UBL3: variants seen among roughly 807,000 people sequenced by gnomAD.
UBL3 encodes ubiquitin like 3.
Under a neutral mutation model 18.4 loss-of-function variants are expected in UBL3, and 6 were observed. The ratio of observed to expected loss-of-function variants is 0.33; its 90% CI spans 0.18 to 0.64. UBL3 has a LOEUF of 0.64. Among genes scored for constraint, UBL3 ranks in the 30% least tolerant of loss-of-function variants. The pLI, the probability that UBL3 is intolerant of heterozygous loss-of-function variation, is 0.76. For synonymous variants in UBL3, 49 were observed against 46.6 expected (o/e 1.05, Z -0.21); for missense variants, 109 against 142.9 (o/e 0.76, Z 1.21).
At chr13:29,782,837 G>A (rs144543969) in intron 1 of UBL3, among the ~76,000 whole-genome samples, 100 of 152,258 alleles carry the variant, frequency 6.6e-4, no homozygotes, top group African/African-American at 2.3e-3. Flanking sequence ...ACTGCTTCAG[G>A]AAAGAAGCTT....
chr13:29,848,485 A>G (rs1364519370), intron 1 of UBL3, among the ~76,000 whole-genome samples: 4 of 151,938 alleles, frequency 2.6e-5, no homozygotes. Flanking sequence ...TTAAAATTAA[A>G]TTAAAATTAA....
At chr13:29,837,915 C>CAATAATAATAATAATAATAATAAT (rs373812724) in intron 1 of UBL3, among the ~76,000 whole-genome samples, 61 of 141,502 alleles carry the variant, frequency 4.3e-4, no homozygotes, top group African/African-American at 6.1e-4. Flanking sequence ...GACTCTGTCT[C>CAATAATAATAATAATAATAATAAT]AATAATAATA....
In UBL3 at chr13:29,767,622, A is replaced by G. The variant is rs776131873; in HGVS notation, c.297T>C (p.Ser99=). 1 of 1,612,858 alleles carries G rather than the reference A, an allele frequency of 6.2e-7. No individual in the cohort carries two copies. The highest frequency in any genetic ancestry group is 1.1e-5 in the South Asian group (1 of 90,988). Residue 99 remains serine, a synonymous_variant, in exon 4 of 5, where the codon TCT becomes TCC. Transcript: ENST00000380680. ...CTTTTCCAGTGCATGGCTTACCTTG[A>G]GAGTTTGGCTCTGGTAATGTCTCTC... ...VARETLPEPN[S]QGQRNREKTG...
intron 1 of UBL3, among the ~76,000 whole-genome samples, chr13:29,834,145 T>G (rs1281555521): frequency 1.4e-5 from 2 of 146,224 alleles, no homozygotes; most frequent in East Asian, 4.0e-4. Flanking sequence ...CGCGCCACAG[T>G]GCACTCCAGC....
At chr13:29,839,974 CAATT>C (rs1312493316) in intron 1 of UBL3, among the ~76,000 whole-genome samples, 1 of 149,106 alleles carries the variant, frequency 6.7e-6, no homozygotes, top group African/African-American at 2.5e-5. Context: ...AATAAGCTGA[CAATT>C]AATGACTTAA....
At chr13:29,814,055 G>T (rs925155476) in intron 1 of UBL3, among the ~76,000 whole-genome samples, 1 of 152,044 alleles carries the variant, frequency 6.6e-6, no homozygotes, top group African/African-American at 2.4e-5. Context: ...ATTCAAGAGG[G>T]TTACTTTCTA....
intron 1 of UBL3, among the ~76,000 whole-genome samples, chr13:29,817,988 A>G (rs1393226277): frequency 6.6e-6 from 1 of 152,228 alleles, no homozygotes; most frequent in Non-Finnish European, 1.5e-5. Flanking sequence ...AATCTGACAT[A>G]GCTCCTAGTT....
At chr13:29,791,767 GC>G (rs1877485272) in intron 1 of UBL3, among the ~76,000 whole-genome samples, 1 of 152,032 alleles carries the variant, frequency 6.6e-6, no homozygotes, top group African/African-American at 2.4e-5. Flanking sequence ...CTATTACTAT[GC>G]CCCCTTTCAC....
intron 1 of UBL3, among the ~76,000 whole-genome samples, chr13:29,825,923 CA>C (rs1321270743): frequency 6.6e-6 from 1 of 152,158 alleles, no homozygotes; most frequent in East Asian, 1.9e-4. Flanking sequence ...TGAATTTTGT[CA>C]AAGGCCTTTT....
intron 1 of UBL3, among the ~76,000 whole-genome samples, chr13:29,823,142 T>G (rs1338831299): frequency 1.3e-5 from 2 of 152,182 alleles, no homozygotes; most frequent in East Asian, 3.9e-4. Flanking sequence ...AATTTAGTTT[T>G]GTTTTCTTTT....
chr13:29,805,166 T>G (rs1179959873), intron 1 of UBL3, among the ~76,000 whole-genome samples: 1 of 152,202 alleles, frequency 6.6e-6, no homozygotes, highest in Non-Finnish European at 1.5e-5. Context: ...AAGAGGTATT[T>G]AAAATATTTG....
intron 1 of UBL3, among the ~76,000 whole-genome samples, chr13:29,815,153 G>A (rs1003800356): frequency 6.6e-6 from 1 of 152,128 alleles, no homozygotes; most frequent in Non-Finnish European, 1.5e-5. Flanking sequence ...AATCCAGTGT[G>A]TACTACAACA....
intron 1 of UBL3, 152 bp downstream of exon 1, chr13:29,849,360 G>C: frequency 1.0e-6 from 1 of 967,880 alleles, no homozygotes; most frequent in Non-Finnish European, 1.5e-6. Context: ...TCCTAAAAGG[G>C]GGAAACCAGA....
chr13:29,812,692 A>G (rs1004693790), intron 1 of UBL3, among the ~76,000 whole-genome samples: 12 of 152,064 alleles, frequency 7.9e-5, no homozygotes, highest in African/African-American at 2.7e-4. Flanking sequence ...TGGAACTTGG[A>G]TATATGAATT....
intron 1 of UBL3, among the ~76,000 whole-genome samples, chr13:29,799,042 T>C (rs1365065326): frequency 2.0e-5 from 3 of 152,220 alleles, no homozygotes; most frequent in Admixed American, 2.0e-4. Flanking sequence ...CCCAAGATCT[T>C]AGGCTAAGAT....
intron 1 of UBL3, among the ~76,000 whole-genome samples, chr13:29,828,264 T>C (rs1290251274): frequency 3.9e-5 from 6 of 152,242 alleles, no homozygotes; most frequent in Non-Finnish European, 8.8e-5. Flanking sequence ...GATAATATTC[T>C]GCAGAGTGTT....
rs774013942 is a variant in UBL3 at position 29,850,213 on chromosome 13, G to A, written c.-675C>T. 6.5e-6 allele frequency: 1 copy of A among 152,814 alleles called. No individual in the cohort carries two copies. Among genetic ancestry groups the A allele is most frequent in the Non-Finnish European group, 1.5e-5 (1 of 68,450 alleles). The allele number at this position is 152,814 out of a possible 1,614,324, so 9.5% of individuals were successfully genotyped here. A position where few individuals can be genotyped will look rare whatever the true frequency, so the allele number is the denominator to read the frequency against. Reference sequence around the variant, plus strand: ...GCCAAAGCGAAAGACCGGAGCGGGGGACCGACAGCGCGGGGGTGCTCGGGG... The same window carrying A: ...GCCAAAGCGAAAGACCGGAGCGGGGAACCGACAGCGCGGGGGTGCTCGGGG... On this transcript the variant is annotated 5_prime_UTR_variant, in exon 1 of 5. Transcript: ENST00000380680.
intron 1 of UBL3, among the ~76,000 whole-genome samples, chr13:29,777,684 A>C (rs956358422): frequency 6.6e-6 from 1 of 152,186 alleles, no homozygotes; most frequent in Non-Finnish European, 1.5e-5. Context: ...TCTACTTCTT[A>C]AAAAATATAA....
At chr13:29,838,893 T>C (rs570170341) in intron 1 of UBL3, among the ~76,000 whole-genome samples, 12 of 151,910 alleles carry the variant, frequency 7.9e-5, no homozygotes, top group Middle Eastern at 3.4e-3. Context: ...ATCTTACGTA[T>C]AAGGACGAAG....
Sources: allele counts gnomAD v4.1 joint callset (sites outside exome capture counted in the v4.1 genomes callset), GRCh38; gene constraint gnomAD v4.1.1; transcripts MANE v1.5; gene names NCBI Gene and HGNC (gene_info 2026-07-23, HGNC 2026-07-21).